The following PDE4D variants were observed in gnomAD, a reference collection of about 807,000 sequenced individuals.
PDE4D encodes the protein 3',5'-cyclic-AMP phosphodiesterase 4D.
In PDE4D, 24 loss-of-function variants were observed where a neutral mutation model predicts 87.4. That is an observed-to-expected ratio of 0.27 (90% CI 0.20 to 0.39). The LOEUF is 0.39. PDE4D is among the 10% of genes least tolerant of loss of function. The pLI is 1.00. For synonymous variants in PDE4D, 384 were observed against 383.2 expected (o/e 1.00, Z -0.02); for missense variants, 714 against 1,041.0 (o/e 0.69, Z 4.32).
intron 1 of PDE4D, among the ~76,000 whole-genome samples, chr5:59,477,854 T>C (rs1365103289): frequency 6.6e-6 from 1 of 152,044 alleles, no homozygotes; most frequent in Non-Finnish European, 1.5e-5. Context: ...TGAAATACTA[T>C]GCAGCCATAA....
chr5:59,079,545 G>A (rs748930345), intron 5 of PDE4D, among the ~76,000 whole-genome samples: 1 of 152,006 alleles, frequency 6.6e-6, no homozygotes. Context: ...TAGCACTAGA[G>A]CTGGAAGAGA....
chr5:59,678,923 T>C (rs1748566363), intron 1 of PDE4D, among the ~76,000 whole-genome samples: 1 of 152,262 alleles, frequency 6.6e-6, no homozygotes, highest in Non-Finnish European at 1.5e-5. Flanking sequence ...ATTGTAACTG[T>C]ACAAAATTTA....
At position 60,267,484 on chromosome 5, in the gene PDE4D, C is replaced by CA. The variant is rs565199956; in HGVS notation, c.-89-81798dup. On this transcript the variant is annotated intron_variant, in intron 1 of 16. Coordinates refer to the PDE4D transcript ENST00000502484. ...GAGCTTGACTGGAAGCAGACATACT[C>CA]AGTTTTGTCTCTAACTGTATACTTC... is the stretch of plus-strand genomic sequence containing the variant. Among the ~76,000 whole-genome samples the CA allele has an allele frequency of 2.2e-3, 332 of 152,290 alleles. 2 individuals carry two copies. The highest frequency in any genetic ancestry group is 3.2e-3 in the Non-Finnish European group (221 of 68,018).
intron 1 of PDE4D, among the ~76,000 whole-genome samples, chr5:59,342,338 ACACATGGTG>A (rs1187559981): frequency 1.3e-5 from 2 of 152,142 alleles, no homozygotes; most frequent in Non-Finnish European, 1.5e-5. Flanking sequence ...AGAATGCACA[ACACATGGTG>A]CCTCTGATCT....
At chr5:59,070,772 C>G (rs1580642089) in intron 5 of PDE4D, among the ~76,000 whole-genome samples, 1 of 152,014 alleles carries the variant, frequency 6.6e-6, no homozygotes. Flanking sequence ...CAAACTTTTC[C>G]CATATTACAA....
At chr5:60,268,236 A>G (rs1480830227) in intron 1 of PDE4D, among the ~76,000 whole-genome samples, 1 of 152,246 alleles carries the variant, frequency 6.6e-6, no homozygotes, top group Non-Finnish European at 1.5e-5. Context: ...CCTGTTTACA[A>G]CAAAATCATC....
At chr5:59,351,843 G>A (rs1410782018) in intron 1 of PDE4D, among the ~76,000 whole-genome samples, 1 of 152,086 alleles carries the variant, frequency 6.6e-6, no homozygotes, top group Non-Finnish European at 1.5e-5. Context: ...GTGGTGTTCT[G>A]TCTTCAGAGA....
intron 1 of PDE4D, among the ~76,000 whole-genome samples, chr5:60,222,991 G>C (rs1230431655): frequency 6.6e-6 from 1 of 152,102 alleles, no homozygotes; most frequent in Non-Finnish European, 1.5e-5. Flanking sequence ...TATTTATAAT[G>C]AGATGTTAAA....
chr5:58,975,101 GT>G lies in PDE4D; in HGVS notation c.2014-22del, dbSNP rs771569918. ...CCCACCTAGTTAAGAAAAAAATCCA[GT>G]ATGAGTAGAGGACTTGGGACTAAGA... On this transcript the variant is annotated intron_variant, in intron 14 of 14. Coordinates refer to ENST00000340635, the MANE Select transcript of PDE4D (RefSeq NM_001104631.2). This position sits in a 1 kb window ranked among gnomAD's most constrained non-coding sequence, Gnocchi z 4.2. The G allele has an allele frequency of 4.2e-6, 6 of 1,431,256 alleles. No individual in the cohort carries two copies. Among genetic ancestry groups the G allele is most frequent in the Non-Finnish European group, 5.6e-6 (6 of 1,077,838 alleles). The allele number at this position is 1,431,256 out of a possible 1,614,324, so 88.7% of individuals were successfully genotyped here.
At position 59,107,981 on chromosome 5, in the gene PDE4D, A is replaced by C. The variant is rs191047002; in HGVS notation, c.809-69010T>G. ...GAAAGAAAGCAGGTCATCTCAGCTA[A>C]GCCCAGCCTCCAGTCTACTGGAGTG... On this transcript the variant is annotated intron_variant, in intron 5 of 14. Transcript: ENST00000340635. Among the ~76,000 whole-genome samples, 1,154 of 152,346 alleles carry C rather than the reference A, an allele frequency of 7.6e-3. 6 individuals carry two copies. Among genetic ancestry groups the C allele is most frequent in the Non-Finnish European group, 0.013 (858 of 68,038 alleles).
intron 1 of PDE4D, among the ~76,000 whole-genome samples, chr5:60,380,950 G>A (rs1398563792): frequency 6.6e-6 from 1 of 152,172 alleles, no homozygotes; most frequent in Non-Finnish European, 1.5e-5. Flanking sequence ...TTTCGTGCAT[G>A]TGTAGTAAGA....
At chr5:59,121,229 G>T (rs1774448576) in intron 5 of PDE4D, among the ~76,000 whole-genome samples, 1 of 152,110 alleles carries the variant, frequency 6.6e-6, no homozygotes, top group Admixed American at 6.6e-5. Context: ...TTTCTGTATA[G>T]CACAGCAAAG....
chr5:59,884,779 C>T (rs1749923535), intron 1 of PDE4D, among the ~76,000 whole-genome samples: 1 of 151,980 alleles, frequency 6.6e-6, no homozygotes, highest in Admixed American at 6.5e-5. Context: ...TGAAAATGTA[C>T]ATAAGAAAGT....
At chr5:59,928,314 G>C (rs558883125) in intron 3 of PDE4D, among the ~76,000 whole-genome samples, 1 of 152,112 alleles carries the variant, frequency 6.6e-6, no homozygotes, top group African/African-American at 2.4e-5. Flanking sequence ...CAGTAGAAAA[G>C]GATAAAGGAA....
chr5:59,904,301 A>C (rs1375104468), intron 3 of PDE4D, among the ~76,000 whole-genome samples: 2 of 152,102 alleles, frequency 1.3e-5, no homozygotes. Flanking sequence ...GCTATTATGG[A>C]AACACATTGA....
At chr5:59,817,985 T>G (rs1769188160) in intron 1 of PDE4D, among the ~76,000 whole-genome samples, 1 of 151,810 alleles carries the variant, frequency 6.6e-6, no homozygotes, top group South Asian at 2.1e-4. Context: ...AAAACCCAAG[T>G]GGAATAAAGG....
intron 1 of PDE4D, among the ~76,000 whole-genome samples, chr5:59,646,590 T>G (rs1742481942): frequency 6.6e-6 from 1 of 152,226 alleles, no homozygotes; most frequent in Admixed American, 6.5e-5. Context: ...CAGAAATATG[T>G]TTTTAAATAT....
chr5:59,695,155 A>G (rs1751564095), intron 1 of PDE4D, among the ~76,000 whole-genome samples: 2 of 151,922 alleles, frequency 1.3e-5, no homozygotes, highest in Admixed American at 6.6e-5. Flanking sequence ...TTTATTTATC[A>G]TAGAACCCAA....
At chr5:59,429,060 T>C (rs1473725843) in intron 1 of PDE4D, among the ~76,000 whole-genome samples, 3 of 152,148 alleles carry the variant, frequency 2.0e-5, no homozygotes, top group Non-Finnish European at 4.4e-5. Flanking sequence ...ACAATATACA[T>C]AAAAACATAA....
Sources: gnomAD v4.1 joint callset for allele counts (sites outside exome capture counted in the v4.1 genomes callset) on GRCh38, gnomAD v4.1.1 for gene constraint, Gnocchi (gnomAD v3.1) non-coding constraint, MANE v1.5 for transcripts, NCBI Gene and HGNC (gene_info 2026-07-23, HGNC 2026-07-21) for gene names.